Variants in AGTPBP1 observed in about 807,000 individuals in gnomAD.
AGTPBP1 encodes the protein ATP/GTP binding carboxypeptidase 1, also known as cytosolic carboxypeptidase 1.
A neutral mutation model predicts 143.9 loss-of-function variants in AGTPBP1; 70 were observed. That is an observed-to-expected ratio of 0.49 (90% CI 0.40 to 0.59). AGTPBP1 has a LOEUF of 0.59. Ranked by LOEUF, AGTPBP1 falls within the 20% of genes least tolerant of loss-of-function variation. The pLI is 0.00. For synonymous variants in AGTPBP1, 463 were observed against 500.2 expected, an observed-to-expected ratio of 0.93 and a Z score of 0.99; for missense variants, 1,229 against 1,464.5, an observed-to-expected ratio of 0.84 and a Z score of 2.62.
chr9:85,789,724 G>T, the AGTPBP1 span, among the ~76,000 whole-genome samples: 1 of 152,082 alleles, frequency 6.6e-6, no homozygotes, highest in Non-Finnish European at 1.5e-5. Context: ...ATTAATTGTG[G>T]ACTAGATTGC....
the AGTPBP1 span, among the ~76,000 whole-genome samples, chr9:85,798,362 C>CTTTTTTTTTTTTTTTTTTTTTTTTTTT: frequency 8.4e-6 from 1 of 119,268 alleles, no homozygotes; most frequent in Non-Finnish European, 1.9e-5. Context: ...CCTCCAAGTT[C>CTTTTTTTTTTTTTTTTTTTTTTTTTTT]TTTTTTTTTT....
upstream of AGTPBP1, among the ~76,000 whole-genome samples, chr9:85,742,210 C>G (rs978214262): frequency 2.0e-5 from 3 of 152,064 alleles, no homozygotes; most frequent in South Asian, 2.1e-4. Context: ...GCGGGTGTTC[C>G]GCGCGCTGCC....
chr9:85,690,861 T>C (rs192665376), intron 3 of AGTPBP1, among the ~76,000 whole-genome samples: 1 of 152,116 alleles, frequency 6.6e-6, no homozygotes, highest in African/African-American at 2.4e-5. Flanking sequence ...GTATTTTCAG[T>C]GGTGGGAAGA....
upstream of AGTPBP1, among the ~76,000 whole-genome samples, chr9:85,746,228 C>T (rs556692432): frequency 2.2e-4 from 33 of 152,240 alleles, no homozygotes; most frequent in African/African-American, 7.5e-4. Flanking sequence ...CTGCTGCGAT[C>T]CACTGCCTCA....
At chr9:85,577,238 C>T (rs1053759188) in intron 24 of AGTPBP1, among the ~76,000 whole-genome samples, 4 of 152,216 alleles carry the variant, frequency 2.6e-5, no homozygotes, top group African/African-American at 9.6e-5. Flanking sequence ...TCTTTCCCCA[C>T]TGCCCAGAAG....
chr9:85,632,625 A>T, intron 14 of AGTPBP1, 37 bp downstream of exon 14: 1 of 1,506,554 alleles, frequency 6.6e-7, no homozygotes, highest in Non-Finnish European at 8.9e-7. Flanking sequence ...TCTTGACAAT[A>T]GCCTTATTTA....
intron 21 of AGTPBP1, among the ~76,000 whole-genome samples, chr9:85,587,720 T>A (rs904074026): frequency 1.3e-5 from 2 of 152,190 alleles, no homozygotes; most frequent in South Asian, 2.1e-4. Context: ...CTAAATCCCA[T>A]CTTTCAGAGT....
chr9:85,665,492 C>T (rs1834078115), intron 8 of AGTPBP1, among the ~76,000 whole-genome samples: 1 of 152,148 alleles, frequency 6.6e-6, no homozygotes, highest in Non-Finnish European at 1.5e-5. Flanking sequence ...CAGTATTGGA[C>T]TTTGTTATGA....
At chr9:85,678,508 G>A in intron 4 of AGTPBP1, 110 bp from the exon 5 acceptor site, 2 of 573,826 alleles carry the variant, frequency 3.5e-6, no homozygotes, top group Non-Finnish European at 5.9e-6. Flanking sequence ...AATTTCTCTA[G>A]GAACAAAGGT....
intron 3 of AGTPBP1, 67 bp from the exon 4 acceptor site, chr9:85,681,402 T>C: frequency 2.2e-6 from 3 of 1,339,388 alleles, no homozygotes; most frequent in Non-Finnish European, 3.1e-6. Context: ...TTTTGTTGCA[T>C]ATAGCTAATA....
chr9:85,722,925 G>C (rs1233974960), intron 1 of AGTPBP1, among the ~76,000 whole-genome samples: 1 of 152,030 alleles, frequency 6.6e-6, no homozygotes, highest in East Asian at 1.9e-4. Context: ...CTAACAGTCG[G>C]GCCCCTCAGC....
intron 17 of AGTPBP1, among the ~76,000 whole-genome samples, chr9:85,599,110 A>AAC (rs57074552): frequency 0.12 from 15,666 of 135,298 alleles, 916 homozygotes; most frequent in Middle Eastern, 0.15. Flanking sequence ...CTTGTCACTG[A>AAC]ACACACACAC....
intron 23 of AGTPBP1, 31 bp from the exon 24 acceptor site, chr9:85,579,127 T>G: frequency 6.4e-7 from 1 of 1,555,556 alleles, no homozygotes; most frequent in East Asian, 2.4e-5. Flanking sequence ...GATGATAAAA[T>G]AAACCAAGTT....
chr9:85,700,199 G>T (rs1001863357), intron 2 of AGTPBP1, among the ~76,000 whole-genome samples: 6 of 152,198 alleles, frequency 3.9e-5, no homozygotes, highest in African/African-American at 1.4e-4. Context: ...CTAACACCTT[G>T]AGAACTTCTG....
intron 1 of AGTPBP1, among the ~76,000 whole-genome samples, chr9:85,721,471 A>G (rs1276885138): frequency 6.8e-6 from 1 of 147,026 alleles, no homozygotes; most frequent in Non-Finnish European, 1.5e-5. Flanking sequence ...TTTATCAGAG[A>G]CTAGGATTGC....
At chr9:85,800,554 C>A in the AGTPBP1 span, among the ~76,000 whole-genome samples, 1 of 152,014 alleles carries the variant, frequency 6.6e-6, no homozygotes, top group Non-Finnish European at 1.5e-5. Context: ...AGATTTATAT[C>A]TTTTTTATTC....
chr9:85,744,234 C>A (rs188591076), upstream of AGTPBP1, among the ~76,000 whole-genome samples: 1 of 152,214 alleles, frequency 6.6e-6, no homozygotes, highest in Non-Finnish European at 1.5e-5. Flanking sequence ...CCACCTCAAT[C>A]CTTAATCAGA....
the AGTPBP1 span, among the ~76,000 whole-genome samples, chr9:85,748,688 C>A: frequency 6.6e-6 from 1 of 152,212 alleles, no homozygotes. Flanking sequence ...ATCCAATGAA[C>A]CACTAAAGCC....
intron 25 of AGTPBP1, among the ~76,000 whole-genome samples, chr9:85,568,960 G>C (rs1297579237): frequency 6.6e-6 from 1 of 152,086 alleles, no homozygotes; most frequent in African/African-American, 2.4e-5. Context: ...CACAGGTCTG[G>C]GAGATTGTAA....
Sources: allele counts gnomAD v4.1 joint callset (sites outside exome capture counted in the v4.1 genomes callset), GRCh38; gene constraint gnomAD v4.1.1; transcripts MANE v1.5; gene names NCBI Gene and HGNC (gene_info 2026-07-23, HGNC 2026-07-21).